The following STC1 variants were observed in gnomAD, a reference collection of about 807,000 sequenced individuals.
STC1 encodes the protein stanniocalcin-1.
A neutral mutation model predicts 22.6 loss-of-function variants in STC1; 7 were observed. That is an observed-to-expected ratio of 0.31 (90% confidence interval 0.18 to 0.58). The LOEUF is 0.58. Among genes scored for constraint, STC1 ranks in the 20% least tolerant of loss-of-function variants. The probability of loss-of-function intolerance (pLI) is 0.89; values close to 1 mark genes in which losing one functional copy is unlikely to be tolerated. For synonymous variants in STC1, 113 were observed against 120.7 expected (o/e 0.94, Z 0.42); for missense variants, 224 against 311.0 (o/e 0.72, Z 2.10).
chr8:23,845,190 C>G, intron 3 of STC1, 150 bp from the exon 4 acceptor site: 1 of 798,492 alleles, frequency 1.3e-6, no homozygotes, highest in South Asian at 1.8e-5. Flanking sequence ...CTTTTGCTCT[C>G]TAACCCTTGT....
At position 23,844,858 on chromosome 8, in the gene STC1, G is replaced by C; in HGVS notation, c.656C>G (p.Pro219Arg). The C allele has an allele frequency of 6.2e-7, 1 of 1,614,060 alleles. No homozygotes were observed. Among genetic ancestry groups the C allele is most frequent in the Non-Finnish European group, 8.5e-7 (1 of 1,180,014 alleles). The change falls in exon 4 of 4, where the codon CCG (proline) becomes CGG (arginine). Residue 219 changes from proline to arginine, a missense_variant. Pro to Arg is a moderately radical substitution (Grantham distance 103). Coordinates refer to ENST00000290271, the MANE Select transcript of STC1 (RefSeq NM_003155.3). ...ADFNRRRTNEPQKLKVLLRNL... is the reference protein window; with the variant it reads ...ADFNRRRTNERQKLKVLLRNL... ...CCTGAGGAGGACTTTCAGCTTCTGC[G>C]GCTCATTGGTGCGTCTCCTGTTGAA...
chr8:23,848,921 G>A (rs1220847078), intron 3 of STC1, among the ~76,000 whole-genome samples: 1 of 152,132 alleles, frequency 6.6e-6, no homozygotes, highest in African/African-American at 2.4e-5. Context: ...TCTGGATCTG[G>A]GTTGGTCTAA....
At chr8:23,851,897 T>C (rs1202634250) in intron 2 of STC1, among the ~76,000 whole-genome samples, 1 of 152,210 alleles carries the variant, frequency 6.6e-6, no homozygotes, top group Admixed American at 6.5e-5. Context: ...AGAACTTCCT[T>C]GCTCTATGCA....
chr8:23,843,268 A>G lies in STC1; in HGVS notation c.*1502T>C, dbSNP rs900125557. ...TCTTGTAAACATCATGGCAGAAATG[A>G]TCAAACCACCAGCTCTTTTTCCCTC... On this transcript the variant is annotated 3_prime_UTR_variant, in exon 4 of 4. Transcript: ENST00000290271. 1 of 152,142 alleles carries G rather than the reference A, an allele frequency of 6.6e-6. No homozygotes were observed. Among genetic ancestry groups the G allele is most frequent in the African/African-American group, 2.4e-5 (1 of 41,294 alleles). The allele number at this position is 152,142 out of a possible 1,614,324, so 9.4% of individuals were successfully genotyped here. A position where few individuals can be genotyped will look rare whatever the true frequency, so the allele number is the denominator to read the frequency against.
At position 23,844,723 on chromosome 8, in the gene STC1, C is replaced by G. The variant is rs773898458; in HGVS notation, c.*47G>C. The G allele has an allele frequency of 3.1e-6, 5 of 1,599,332 alleles. No homozygotes were observed. The highest frequency in any genetic ancestry group is 4.3e-6 in the Non-Finnish European group (5 of 1,169,072). ...CACTCAAAACTGGTGTGTCAACACC[C>G]CTAAAATGATACTAGTTTGGTGAGG... On this transcript the variant is annotated 3_prime_UTR_variant, in exon 4 of 4. Coordinates refer to ENST00000290271, the MANE Select transcript of STC1 (RefSeq NM_003155.3).
intron 3 of STC1, among the ~76,000 whole-genome samples, chr8:23,850,088 G>T (rs1046521730): frequency 6.6e-6 from 1 of 152,190 alleles, no homozygotes; most frequent in Non-Finnish European, 1.5e-5. Context: ...GTTCTGAAGG[G>T]CACTCACCTG....
chr8:23,850,485 C>T (rs1300446667), intron 3 of STC1, among the ~76,000 whole-genome samples: 9 of 152,218 alleles, frequency 5.9e-5, no homozygotes, highest in South Asian at 2.1e-4. Flanking sequence ...ACCCCATTGG[C>T]ATCTCTTAGT....
chr8:23,849,979 A>AG (rs72577353), intron 3 of STC1, among the ~76,000 whole-genome samples: 88,598 of 151,978 alleles, frequency 0.58, 26,194 homozygotes, highest in South Asian at 0.74. Context: ...CCCACTTGAG[A>AG]AAATGGTTGG....
rs1318819737 is a variant in STC1 at position 23,851,431 on chromosome 8, A to G, written c.362T>C (p.Ile121Thr). The change falls in exon 3 of 4, where the codon ATT (isoleucine) becomes ACT (threonine). Residue 121 changes from isoleucine to threonine, a missense_variant. Physicochemically the swap from Ile to Thr is moderately conservative, Grantham distance 89 (BLOSUM62 -1). Coordinates refer to ENST00000290271, the MANE Select transcript of STC1 (RefSeq NM_003155.3). ...IRRCSTFQRM[I>T]AEVQEECYSK... is the part of the protein sequence containing the mutation. ...GTAGCACTCTTCCTGCACCTCAGCA[A>G]TCATCCTTTGGAAAGTGGAGCACCT... 1.2e-6 allele frequency: 2 copies of G among 1,614,186 alleles called. No individual in the cohort carries two copies. The highest frequency in any genetic ancestry group is 2.2e-5 in the South Asian group (2 of 91,090).
chr8:23,847,183 T>C (rs1319872155), intron 3 of STC1, among the ~76,000 whole-genome samples: 1 of 152,240 alleles, frequency 6.6e-6, no homozygotes, highest in Non-Finnish European at 1.5e-5. Context: ...TAGAAGGACT[T>C]GAAAGCTCTT....
In STC1 at chr8:23,854,705, CGCTGCTGCT is replaced by C; in HGVS notation, c.-191_-183del. ...ATGCTGCTGCTGCCACCGGTGCCTC[CGCTGCTGCT>C]GCTGCTGCCGCCGCTGCTGCTGCTG... On this transcript the variant is annotated 5_prime_UTR_variant, in exon 1 of 4. Coordinates refer to ENST00000290271, the MANE Select transcript of STC1 (RefSeq NM_003155.3). 1 of 694,018 alleles carries C rather than the reference CGCTGCTGCT, an allele frequency of 1.4e-6. No individual in the cohort carries two copies. The highest frequency in any genetic ancestry group is 2.7e-5 in the East Asian group (1 of 37,148). 43.0% of individuals were successfully genotyped at this position (694,018 alleles called of 1,614,324 possible). A position where few individuals can be genotyped will look rare whatever the true frequency, so the allele number is the denominator to read the frequency against.
chr8:23,851,348 C>A lies in STC1; in HGVS notation c.445G>T (p.Val149Phe). 1 of 1,614,114 alleles carries A rather than the reference C, an allele frequency of 6.2e-7. No individual in the cohort carries two copies. The highest frequency in any genetic ancestry group is 1.3e-5 in the African/African-American group (1 of 75,034). Residue 149 changes from valine to phenylalanine, a missense_variant, in exon 3 of 4, where the codon GTC (valine) becomes TTC (phenylalanine). By Grantham distance (50) the Val-to-Phe change is conservative. Transcript: ENST00000290271. ...KRNPEAITEV[V>F]QLPNHFSNRY... ...TTGGAGAAGTGATTGGGCAGCTGGA[C>A]GACCTCAGTGATGGCTTCAGGGTTC...
Position 23,854,575 on chromosome 8 carries a change from C to T in STC1, c.-52G>A. 2 of 1,401,544 alleles carry T rather than the reference C, an allele frequency of 1.4e-6. No individual in the cohort carries two copies. Among genetic ancestry groups the T allele is most frequent in the East Asian group, 2.3e-5 (1 of 43,814 alleles). The allele number at this position is 1,401,544 out of a possible 1,614,324, so 86.8% of individuals were successfully genotyped here. A position where few individuals can be genotyped will look rare whatever the true frequency, so the allele number is the denominator to read the frequency against. On this transcript the variant is annotated 5_prime_UTR_variant, in exon 1 of 4. Coordinates refer to ENST00000290271, the MANE Select transcript of STC1 (RefSeq NM_003155.3). Reference sequence around the variant, plus strand: ...TGGGTTTTTTTTTTTTCCTGCCCCCCTTTCCTCTTTCCCTCTCCTGGCTTG... The same window carrying T: ...TGGGTTTTTTTTTTTTCCTGCCCCCTTTTCCTCTTTCCCTCTCCTGGCTTG...
intron 3 of STC1, among the ~76,000 whole-genome samples, chr8:23,849,377 A>G (rs1802609907): frequency 6.6e-6 from 1 of 152,190 alleles, no homozygotes; most frequent in Non-Finnish European, 1.5e-5. Context: ...GAAAGGTTGC[A>G]TGGAAGATTC....
In STC1 at chr8:23,851,375, G is replaced by A. The variant is rs779006974; in HGVS notation, c.418C>T (p.Arg140Trp). Residue 140 changes from arginine to tryptophan, a missense_variant, in exon 3 of 4, where the codon CGG (arginine) becomes TGG (tryptophan). Transcript: ENST00000290271. ...SKLNVCSIAK[R>W]NPEAITEVVQ... ...ACCTCAGTGATGGCTTCAGGGTTCCGCTTGGCGATGCTGCACACATTCAGC... is the reference window on the plus strand; with the variant it reads ...ACCTCAGTGATGGCTTCAGGGTTCCACTTGGCGATGCTGCACACATTCAGC... 33 of 1,613,974 alleles carry A rather than the reference G, an allele frequency of 2.0e-5. No individual in the cohort carries two copies. Among genetic ancestry groups the A allele is most frequent in the East Asian group, 2.2e-5 (1 of 44,864 alleles).
chr8:23,851,251 A>C, intron 3 of STC1, 69 bp downstream of exon 3: 1 of 1,487,208 alleles, frequency 6.7e-7, no homozygotes. Context: ...CCTCCCTCCC[A>C]GTCTGGCTCT....
At chr8:23,853,172 T>C (rs1419165974) in intron 1 of STC1, among the ~76,000 whole-genome samples, 1 of 152,102 alleles carries the variant, frequency 6.6e-6, no homozygotes, top group African/African-American at 2.4e-5. Flanking sequence ...AGATCTCCCA[T>C]AAAAGTAATT....
chr8:23,850,813 G>A (rs1802629255), intron 3 of STC1, among the ~76,000 whole-genome samples: 1 of 151,950 alleles, frequency 6.6e-6, no homozygotes, highest in African/African-American at 2.4e-5. Context: ...AAGTGAGATG[G>A]CTTGCTCTGG....
intron 3 of STC1, among the ~76,000 whole-genome samples, chr8:23,845,406 A>G (rs1330898540): frequency 6.6e-6 from 1 of 152,156 alleles, no homozygotes; most frequent in Non-Finnish European, 1.5e-5. Flanking sequence ...CATTTTGTAG[A>G]GAAGAAACTA....
Sources: allele counts gnomAD v4.1 joint callset (sites outside exome capture counted in the v4.1 genomes callset), GRCh38; gene constraint gnomAD v4.1.1; transcripts MANE v1.5; gene names NCBI Gene and HGNC (gene_info 2026-07-23, HGNC 2026-07-21).